Variants in AGBL2 observed in about 807,000 individuals in gnomAD.
AGBL2 encodes cytosolic carboxypeptidase 2.
AGBL2 carries 87 observed loss-of-function variants against 103.0 expected under a neutral mutation model. That is an observed-to-expected ratio of 0.84 (90% confidence interval 0.71 to 1.01). The LOEUF (loss-of-function observed/expected upper bound fraction) is 1.01, where lower values mean the gene tolerates loss of function less well. Among genes scored for constraint, AGBL2 ranks in the 50% least tolerant of loss-of-function variants. AGBL2 has a pLI of 0.00. For missense variants in AGBL2, 904 were observed against 1,023.5 expected (o/e 0.88, Z 1.59); for synonymous variants, 335 against 356.7 (o/e 0.94, Z 0.69).
chr11:47,674,068 G>C (rs531687871), intron 14 of AGBL2, among the ~76,000 whole-genome samples: 1 of 151,978 alleles, frequency 6.6e-6, no homozygotes, highest in East Asian at 1.9e-4. Flanking sequence ...CTCCAGCCTG[G>C]GCAAGAAGAG....
intron 14 of AGBL2, among the ~76,000 whole-genome samples, chr11:47,671,905 G>T (rs1055783012): frequency 1.3e-5 from 2 of 152,302 alleles, no homozygotes; most frequent in South Asian, 4.1e-4. Flanking sequence ...AACTGGGCTT[G>T]TACACTCACA....
At position 47,705,624 on chromosome 11, in the gene AGBL2, A is replaced by G. The variant is rs1249516021; in HGVS notation, c.297T>C (p.Ser99=). The change falls in exon 6 of 19, where the codon TCT becomes TCC. Residue 99 remains serine (S), a synonymous_variant. Coordinates refer to ENST00000525123, the MANE Select transcript of AGBL2 (RefSeq NM_024783.4). ...QIEAINRDFH[S]CLGWMQWRGL... ...CGCGCCACTGCATCCAGCCCAGGCA[A>G]GAGTGAAAGTCTGTGTCAAAAAAAA... 3 of 531,100 alleles carry G rather than the reference A, an allele frequency of 5.6e-6. No individual in the cohort carries two copies. The highest frequency in any genetic ancestry group is 6.7e-6 in the Non-Finnish European group (2 of 296,926). 32.9% of individuals were successfully genotyped at this position (531,100 alleles called of 1,614,324 possible). A position where few individuals can be genotyped will look rare whatever the true frequency, so the allele number is the denominator to read the frequency against.
At chr11:47,661,596 C>T (rs2097328116) in intron 18 of AGBL2, among the ~76,000 whole-genome samples, 2 of 152,068 alleles carry the variant, frequency 1.3e-5, no homozygotes, top group African/African-American at 4.8e-5. Context: ...GGGAAGACAG[C>T]AGGGACTCCA....
intron 15 of AGBL2, among the ~76,000 whole-genome samples, chr11:47,668,212 A>G (rs1184133675): frequency 6.7e-6 from 1 of 150,036 alleles, no homozygotes; most frequent in African/African-American, 2.4e-5. Flanking sequence ...CCATCTCAAA[A>G]AAAAAAAAAA....
At chr11:47,693,180 T>A (rs1306416515) in intron 8 of AGBL2, among the ~76,000 whole-genome samples, 2 of 151,918 alleles carry the variant, frequency 1.3e-5, no homozygotes, top group Non-Finnish European at 2.9e-5. Context: ...TCCTTCCTTT[T>A]TTTGACAGGG....
At chr11:47,698,295 C>A (rs2097484633) in intron 8 of AGBL2, among the ~76,000 whole-genome samples, 2 of 151,512 alleles carry the variant, frequency 1.3e-5, no homozygotes, top group African/African-American at 4.8e-5. Flanking sequence ...GCCTTAGCCT[C>A]CCAAGTAGCT....
chr11:47,693,744 A>C (rs949787099), intron 8 of AGBL2, among the ~76,000 whole-genome samples: 1 of 152,120 alleles, frequency 6.6e-6, no homozygotes, highest in Non-Finnish European at 1.5e-5. Context: ...TTCGTTCTGC[A>C]TAAAAGCCCT....
intron 3 of AGBL2, among the ~76,000 whole-genome samples, chr11:47,712,761 C>T (rs1029934749): frequency 6.6e-6 from 1 of 151,670 alleles, no homozygotes; most frequent in Non-Finnish European, 1.5e-5. Flanking sequence ...AAAATTAGGC[C>T]GAGCGTGGTG....
At chr11:47,670,751 T>G (rs971707102) in intron 14 of AGBL2, among the ~76,000 whole-genome samples, 13 of 151,130 alleles carry the variant, frequency 8.6e-5, no homozygotes, top group Admixed American at 8.6e-4. Context: ...CCCAGCACTT[T>G]GGGAGGCTGA....
rs545558017 is a variant in AGBL2, at chr11:47,676,431, A to G, written c.2147+840T>C. The stretch of plus-strand genomic sequence containing the variant: ...TAAGCCTCCATTATCTTTTACCTAT[A>G]TTATTGCAAGAGCCTCCTATTGAGT... On this transcript the variant is annotated intron_variant, in intron 14 of 18. Coordinates refer to ENST00000525123, the MANE Select transcript of AGBL2 (RefSeq NM_024783.4). Among the ~76,000 whole-genome samples the G allele has an allele frequency of 2.6e-5, 4 of 152,232 alleles. No homozygotes were observed. The South Asian group carries it at 6.2e-4, about 24-fold the overall frequency.
intron 17 of AGBL2, among the ~76,000 whole-genome samples, chr11:47,664,920 C>T (rs1421586585): frequency 6.8e-6 from 1 of 146,722 alleles, no homozygotes; most frequent in African/African-American, 2.5e-5. Context: ...CTTGCTCTGT[C>T]GCCCAGGCTG....
At chr11:47,696,015 AAAAAAAAAAAAAAAAAAAAAAG>A (rs1184687229) in intron 8 of AGBL2, among the ~76,000 whole-genome samples, 3 of 27,742 alleles carry the variant, frequency 1.1e-4, no homozygotes, top group South Asian at 1.9e-3. Flanking sequence ...AAATACAAAA[AAAAAAAAAAAAAAAAAAAAAAG>A]AAAAAAAAAA....
At chr11:47,669,548 G>A (rs971765661) in intron 14 of AGBL2, among the ~76,000 whole-genome samples, 10 of 151,986 alleles carry the variant, frequency 6.6e-5, no homozygotes, top group East Asian at 1.9e-4. Flanking sequence ...GTGTGGTGGC[G>A]CACGCCTGTA....
intron 17 of AGBL2, among the ~76,000 whole-genome samples, chr11:47,665,375 T>G (rs2097338826): frequency 1.3e-5 from 2 of 151,934 alleles, no homozygotes; most frequent in South Asian, 4.2e-4. Context: ...AAAAAAATTT[T>G]TGTAGAGATG....
chr11:47,714,975 A>G, intron 1 of AGBL2, 200 bp downstream of exon 1: 1 of 349,126 alleles, frequency 2.9e-6, no homozygotes, highest in Non-Finnish European at 5.4e-6. Context: ...GAGAAAGGAG[A>G]TGCTCGCCAC....
intron 4 of AGBL2, among the ~76,000 whole-genome samples, chr11:47,706,887 AT>A (rs1171090067): frequency 9.2e-5 from 2 of 21,812 alleles, no homozygotes; most frequent in Non-Finnish European, 1.8e-4. Flanking sequence ...TGTCTCTACT[AT>A]TCCAAAAAAA....
At chr11:47,673,178 G>A (rs1165877690) in intron 14 of AGBL2, among the ~76,000 whole-genome samples, 1 of 152,124 alleles carries the variant, frequency 6.6e-6, no homozygotes, top group Admixed American at 6.6e-5. Context: ...CCTAGTAGAG[G>A]GAAACAGACA....
At chr11:47,678,198 G>A (rs989302658) in intron 13 of AGBL2, among the ~76,000 whole-genome samples, 2 of 151,608 alleles carry the variant, frequency 1.3e-5, no homozygotes, top group Non-Finnish European at 2.9e-5. Flanking sequence ...TCCTGACCTC[G>A]TGATCTGCCC....
intron 13 of AGBL2, among the ~76,000 whole-genome samples, chr11:47,678,338 A>ATTATTTT (rs1565026654): frequency 5.0e-4 from 48 of 95,188 alleles, no homozygotes; most frequent in South Asian, 7.6e-4. Flanking sequence ...TTATTTTATT[A>ATTATTTT]TTTTATTTTT....
Sources: gnomAD v4.1 joint callset for allele counts (sites outside exome capture counted in the v4.1 genomes callset) on GRCh38, gnomAD v4.1.1 for gene constraint, MANE v1.5 for transcripts, NCBI Gene and HGNC (gene_info 2026-07-23, HGNC 2026-07-21) for gene names.